ZDHHC23: variants seen among roughly 807,000 people sequenced by gnomAD.
The protein encoded by ZDHHC23 is zDHHC palmitoyltransferase 23, also known as palmitoyltransferase ZDHHC23.
Under a neutral mutation model 40.2 loss-of-function variants are expected in ZDHHC23, and 41 were observed. The ratio of observed to expected loss-of-function variants is 1.02; its 90% CI spans 0.79 to 1.32. The LOEUF is 1.32. Ranked by LOEUF, ZDHHC23 falls within the 40% of genes most tolerant of loss-of-function variation. The pLI, the probability that ZDHHC23 is intolerant of heterozygous loss-of-function variation, is 0.00. For missense variants in ZDHHC23, 471 were observed against 541.5 expected, an observed-to-expected ratio of 0.87 and a Z score of 1.29; for synonymous variants, 204 against 210.2, an observed-to-expected ratio of 0.97 and a Z score of 0.26.
intron 3 of ZDHHC23, among the ~76,000 whole-genome samples, chr3:113,954,724 TA>T (rs964509145): frequency 1.2e-4 from 19 of 152,120 alleles, no homozygotes; most frequent in African/African-American, 4.6e-4. Flanking sequence ...AATGATTTTT[TA>T]AAAAAAGAAT....
downstream of ZDHHC23, among the ~76,000 whole-genome samples, chr3:113,966,482 G>A (rs1273710710): frequency 2.0e-5 from 3 of 152,178 alleles, no homozygotes; most frequent in Non-Finnish European, 4.4e-5. Flanking sequence ...CAGTCTGGTG[G>A]TGAGGAGCAG....
In ZDHHC23 at chr3:113,948,156, C is replaced by T. The variant is rs998582896; in HGVS notation, c.-152C>T. On this transcript the variant is annotated 5_prime_UTR_variant, in exon 1 of 5. Coordinates refer to ENST00000638807, the MANE Select transcript of ZDHHC23 (RefSeq NM_001320466.2). ...AAGCCGACCCATCTCCCCTCCGCCT[C>T]TTTGGCTGCAGTTGCACCTCCGGCC... is the stretch of plus-strand genomic sequence containing the variant. The T allele has an allele frequency of 2.6e-5, 4 of 152,378 alleles. No homozygotes were observed. Among genetic ancestry groups the T allele is most frequent in the Non-Finnish European group, 5.9e-5 (4 of 68,214 alleles). The allele number at this position is 152,378 out of a possible 1,614,324, so 9.4% of individuals were successfully genotyped here. A position where few individuals can be genotyped will look rare whatever the true frequency, so the allele number is the denominator to read the frequency against.
Position 113,956,520 on chromosome 3 carries a change from A to G in ZDHHC23, c.1040+14A>G. 1 of 1,604,988 alleles carries G rather than the reference A, an allele frequency of 6.2e-7. No homozygotes were observed. The highest frequency in any genetic ancestry group is 8.5e-7 in the Non-Finnish European group (1 of 1,176,370). ...TGCAAATTACAGGTGAGCAGTGGGT[A>G]CCACAGTATGGAGGCCCCCTGGGAA... On this transcript the variant is annotated intron_variant, in intron 4 of 4. Transcript: ENST00000638807.
rs147787442 is a variant in ZDHHC23, at chr3:113,954,212, C to G, written c.674C>G (p.Pro225Arg). 6.2e-7 allele frequency: 1 copy of G among 1,614,046 alleles called. No homozygotes were observed. The highest frequency in any genetic ancestry group is 8.5e-7 in the Non-Finnish European group (1 of 1,180,032). Residue 225 changes from proline to arginine, a missense_variant, in exon 3 of 5, where the codon CCT becomes CGT. By Grantham distance (103) the Pro-to-Arg change is moderately radical. Coordinates refer to ENST00000638807, the MANE Select transcript of ZDHHC23 (RefSeq NM_001320466.2). ...GGGCAGGAGAAGACCAAAGGGTTCC[C>G]TGGGGCAGACATGTCGGGCAGTCTC... ...RKGQEKTKGF[P>R]GADMSGSLNN...
Position 113,958,355 on chromosome 3 carries a change from T to C in ZDHHC23, c.1041-8T>C. The C allele has an allele frequency of 6.3e-7, 1 of 1,591,700 alleles. No individual in the cohort carries two copies. Among genetic ancestry groups the C allele is most frequent in the Non-Finnish European group, 8.6e-7 (1 of 1,164,678 alleles). The stretch of plus-strand genomic sequence containing the variant: ...CGGCAGCCCTGACAGCCTTTTTCCC[T>C]CTCCTAGCTCGGCTCTGTCCTTCAC... On this transcript the variant is annotated splice_polypyrimidine_tract_variant and splice_region_variant and intron_variant, in intron 4 of 4. Transcript: ENST00000638807.
chr3:113,968,116 A>G (rs887100971), downstream of ZDHHC23, among the ~76,000 whole-genome samples: 1 of 152,088 alleles, frequency 6.6e-6, no homozygotes, highest in South Asian at 2.1e-4. Flanking sequence ...TATCTCTTGG[A>G]TGTATTGATT....
chr3:113,960,921 C>A lies in ZDHHC23; in HGVS notation c.*2291C>A. 1 of 827,360 alleles carries A rather than the reference C, an allele frequency of 1.2e-6. No individual in the cohort carries two copies. Among genetic ancestry groups the A allele is most frequent in the Non-Finnish European group, 1.7e-6 (1 of 572,908 alleles). 51.3% of individuals were successfully genotyped at this position (827,360 alleles called of 1,614,324 possible). On this transcript the variant is annotated 3_prime_UTR_variant, in exon 5 of 5. Coordinates refer to ENST00000638807, the MANE Select transcript of ZDHHC23 (RefSeq NM_001320466.2). ...TCCCAGGCGTCTGTACCGAAAGGAG[C>A]AGCAAACAAGGGGCTAATCCATGAG...
chr3:113,956,171 C>A (rs904026036), intron 3 of ZDHHC23, among the ~76,000 whole-genome samples, 168 bp from the exon 4 acceptor site: 1 of 152,104 alleles, frequency 6.6e-6, no homozygotes, highest in Non-Finnish European at 1.5e-5. Context: ...AACCGGGACC[C>A]GGGAGGCAGA....
At position 113,948,895 on chromosome 3, in the gene ZDHHC23, G is replaced by T; in HGVS notation, c.93G>T (p.Arg31=). The T allele has an allele frequency of 6.2e-7, 1 of 1,614,202 alleles. No homozygotes were observed. The highest frequency in any genetic ancestry group is 8.5e-7 in the Non-Finnish European group (1 of 1,180,040). Residue 31 remains arginine, a synonymous_variant, in exon 2 of 5, where the codon CGG becomes CGT. Transcript: ENST00000638807. ...TGTGCTGCTGCGAGTACATAGATCG[G>T]AATGGGGAAAAGAACCACGTGGCTA... ...EPLCCCEYID[R]NGEKNHVATC...
the ZDHHC23 span, chr3:113,978,941 C>G: frequency 2.5e-6 from 4 of 1,614,064 alleles, no homozygotes; most frequent in Non-Finnish European, 3.4e-6. Flanking sequence ...GCCAGACTTT[C>G]CTGACTACGC....
chr3:113,978,317 C>T, the ZDHHC23 span: 1 of 1,613,742 alleles, frequency 6.2e-7, no homozygotes, highest in Non-Finnish European at 8.5e-7. Flanking sequence ...CTTCTTCCTG[C>T]AGATCAATCA....
At chr3:113,950,786 G>A (rs1296732720) in intron 2 of ZDHHC23, among the ~76,000 whole-genome samples, 2 of 152,180 alleles carry the variant, frequency 1.3e-5, no homozygotes, top group African/African-American at 2.4e-5. Flanking sequence ...GATTCATCCT[G>A]AGACAAGTTC....
Position 113,948,747 on chromosome 3 carries a change from C to A in ZDHHC23, c.-56C>A. 6.2e-7 allele frequency: 1 copy of A among 1,606,388 alleles called. No individual in the cohort carries two copies. Among genetic ancestry groups the A allele is most frequent in the South Asian group, 1.1e-5 (1 of 90,648 alleles). On this transcript the variant is annotated 5_prime_UTR_variant, in exon 2 of 5. Transcript: ENST00000638807. The stretch of plus-strand genomic sequence containing the variant: ...CTATTTACGAGATGTAAGTTGTGTT[C>A]TTTCCACCTTTACCTTCTGAGGGCT...
chr3:113,968,103 A>C (rs1466743451), downstream of ZDHHC23, among the ~76,000 whole-genome samples: 1 of 152,210 alleles, frequency 6.6e-6, no homozygotes, highest in Non-Finnish European at 1.5e-5. Flanking sequence ...ACGGACATGC[A>C]AATATCTCTT....
At chr3:113,971,477 T>C in the ZDHHC23 span, among the ~76,000 whole-genome samples, 1 of 152,226 alleles carries the variant, frequency 6.6e-6, no homozygotes, top group Non-Finnish European at 1.5e-5. Flanking sequence ...TGATGTATCA[T>C]GTTTATTGAT....
the ZDHHC23 span, among the ~76,000 whole-genome samples, chr3:113,972,106 T>C: frequency 6.6e-6 from 1 of 152,194 alleles, no homozygotes; most frequent in South Asian, 2.1e-4. Context: ...TTTCCTTTCT[T>C]CTAATAATTT....
downstream of ZDHHC23, among the ~76,000 whole-genome samples, chr3:113,970,353 G>C (rs868087840): frequency 6.6e-6 from 1 of 151,852 alleles, no homozygotes; most frequent in Non-Finnish European, 1.5e-5. Flanking sequence ...TTAAAGACAG[G>C]GTTTCTCTGT....
chr3:113,964,382 A>G (rs939541411), downstream of ZDHHC23: 2 of 152,232 alleles, frequency 1.3e-5, no homozygotes, highest in African/African-American at 4.8e-5. Flanking sequence ...AAAGATGAAA[A>G]CATTCTTTGA....
At chr3:113,966,341 C>G (rs1169034324), downstream of ZDHHC23, among the ~76,000 whole-genome samples, 1 of 152,120 alleles carries the variant, frequency 6.6e-6, no homozygotes, top group Non-Finnish European at 1.5e-5. Context: ...TTATTAGTGT[C>G]CACCACAGCT....
Sources: gnomAD v4.1 joint callset for allele counts (sites outside exome capture counted in the v4.1 genomes callset) on GRCh38, gnomAD v4.1.1 for gene constraint, MANE v1.5 for transcripts, NCBI Gene and HGNC (gene_info 2026-07-23, HGNC 2026-07-21) for gene names.